The following PFN4 variants were observed in gnomAD, a reference collection of about 807,000 sequenced individuals.
PFN4 encodes profilin family member 4.
In PFN4, 10 loss-of-function variants were observed where a neutral mutation model predicts 16.3. That is an observed-to-expected ratio of 0.61 (90% CI 0.38 to 1.04). The LOEUF is 1.04. Among genes scored for constraint, PFN4 ranks in the 50% least tolerant of loss-of-function variants. PFN4 has a pLI of 0.01. For missense variants in PFN4, 136 were observed against 153.6 expected (o/e 0.89, Z 0.61); for synonymous variants, 54 against 56.9 (o/e 0.95, Z 0.23).
intron 1 of PFN4, 147 bp from the exon 2 acceptor site, chr2:24,122,694 T>C: frequency 3.6e-6 from 2 of 562,258 alleles, no homozygotes; most frequent in Admixed American, 3.2e-5. Flanking sequence ...TGGTCCATCA[T>C]TCAGGGCCCA....
intron 4 of PFN4, among the ~76,000 whole-genome samples, chr2:24,116,306 C>T (rs373249101): frequency 2.0e-5 from 3 of 151,910 alleles, no homozygotes; most frequent in African/African-American, 2.4e-5. Context: ...CCAGCCTGAG[C>T]GACAGAGCGA....
At chr2:24,118,577 G>T (rs1665998089) in intron 4 of PFN4, among the ~76,000 whole-genome samples, 1 of 152,210 alleles carries the variant, frequency 6.6e-6, no homozygotes, top group African/African-American at 2.4e-5. Flanking sequence ...CTGTAATGGG[G>T]ATAATCATAA....
rs1384212329 is a variant in PFN4, at chr2:24,123,264, C to G, written c.-159G>C. 4 of 152,160 alleles carry G rather than the reference C, an allele frequency of 2.6e-5. No homozygotes were observed. The highest frequency in any genetic ancestry group is 5.9e-5 in the Non-Finnish European group (4 of 68,042). The allele number at this position is 152,160 out of a possible 1,614,324, so 9.4% of individuals were successfully genotyped here. A position where few individuals can be genotyped will look rare whatever the true frequency, so the allele number is the denominator to read the frequency against. On this transcript the variant is annotated 5_prime_UTR_variant, in exon 1 of 5. Coordinates refer to ENST00000313213, the MANE Select transcript of PFN4 (RefSeq NM_199346.3). ...GGACGCCACCCCGCTCTGTGGTGCC[C>G]GCAAGGACCCGGCGACCAAGGACCC... is the stretch of plus-strand genomic sequence containing the variant.
In PFN4 at chr2:24,122,643, G is replaced by A. The variant is rs978249137; in HGVS notation, c.-12-96C>T. The A allele has an allele frequency of 3.9e-5, 29 of 752,884 alleles. No homozygotes were observed. The Admixed American group carries it at 6.4e-4, about 17-fold the overall frequency. 46.6% of individuals were successfully genotyped at this position (752,884 alleles called of 1,614,324 possible). A position where few individuals can be genotyped will look rare whatever the true frequency, so the allele number is the denominator to read the frequency against. ...CTTAAGACACTGCAGACAGTTCTAA[G>A]ATCAGCAAGTGTACTTTGAAAAGGT... On this transcript the variant is annotated intron_variant, in intron 1 of 4. Coordinates refer to ENST00000313213, the MANE Select transcript of PFN4 (RefSeq NM_199346.3).
At chr2:24,121,680 C>G (rs1381931809) in intron 2 of PFN4, among the ~76,000 whole-genome samples, 1 of 152,064 alleles carries the variant, frequency 6.6e-6, no homozygotes, top group African/African-American at 2.4e-5. Flanking sequence ...GTATTTGGAT[C>G]ATGAATAGAC....
At chr2:24,118,900 A>T (rs905943908) in intron 4 of PFN4, among the ~76,000 whole-genome samples, 1 of 152,170 alleles carries the variant, frequency 6.6e-6, no homozygotes, top group African/African-American at 2.4e-5. Context: ...GTGTTTATGC[A>T]ACTCCAGTAA....
At chr2:24,118,958 C>G (rs1439608394) in intron 4 of PFN4, among the ~76,000 whole-genome samples, 1 of 152,076 alleles carries the variant, frequency 6.6e-6, no homozygotes, top group Non-Finnish European at 1.5e-5. Flanking sequence ...AACACAAACA[C>G]AATTTACCAT....
intron 4 of PFN4, among the ~76,000 whole-genome samples, chr2:24,116,686 C>T (rs1003780134): frequency 6.6e-6 from 1 of 151,900 alleles, no homozygotes; most frequent in African/African-American, 2.4e-5. Flanking sequence ...GAAACCCCGT[C>T]TCTACTAAAA....
At chr2:24,122,710 A>T (rs1573755502) in intron 1 of PFN4, 163 bp from the exon 2 acceptor site, 1 of 507,638 alleles carries the variant, frequency 2.0e-6, no homozygotes, top group East Asian at 3.1e-5. Context: ...GCCCACCAGT[A>T]CCCAAAGAGG....
At chr2:24,118,378 G>A (rs183735306) in intron 4 of PFN4, among the ~76,000 whole-genome samples, 13 of 152,260 alleles carry the variant, frequency 8.5e-5, no homozygotes, top group Admixed American at 7.2e-4. Context: ...TTTCTCAATT[G>A]GCCCTTTAAG....
At chr2:24,118,318 A>G (rs905772505) in intron 4 of PFN4, among the ~76,000 whole-genome samples, 1 of 152,250 alleles carries the variant, frequency 6.6e-6, no homozygotes, top group Non-Finnish European at 1.5e-5. Context: ...AAAATGCAAT[A>G]AAATGAGGCA....
In PFN4 at chr2:24,122,403, A is replaced by T. The variant is rs550510405; in HGVS notation, c.117+16T>A. ...TAAGTAAATCAAGTCTTAGGTCCAA[A>T]CTTGTTTTTTCTTACATTGAAACCT... On this transcript the variant is annotated intron_variant, in intron 2 of 4. Coordinates refer to ENST00000313213, the MANE Select transcript of PFN4 (RefSeq NM_199346.3). The T allele has an allele frequency of 4.4e-5, 68 of 1,560,744 alleles. No homozygotes were observed. The East Asian group carries it at 1.3e-3, about 31-fold the overall frequency.
chr2:24,117,953 T>C (rs1284070739), intron 4 of PFN4, among the ~76,000 whole-genome samples: 1 of 152,166 alleles, frequency 6.6e-6, no homozygotes, highest in Non-Finnish European at 1.5e-5. Flanking sequence ...ATTAATGGCG[T>C]GATGCCAGCA....
At chr2:24,117,604 A>C (rs1442540531) in intron 4 of PFN4, among the ~76,000 whole-genome samples, 2 of 151,824 alleles carry the variant, frequency 1.3e-5, no homozygotes, top group African/African-American at 4.8e-5. Context: ...CACCACACCC[A>C]GCTAATTTTT....
chr2:24,119,062 A>G (rs1666015715), intron 4 of PFN4, among the ~76,000 whole-genome samples: 1 of 152,202 alleles, frequency 6.6e-6, no homozygotes, highest in Non-Finnish European at 1.5e-5. Context: ...GGAATGCAGT[A>G]TATACCAACA....
rs1215213141 is a variant in PFN4 at position 24,115,506 on chromosome 2, C to T, written c.*77G>A. The T allele has an allele frequency of 2.3e-5, 31 of 1,336,348 alleles. No individual in the cohort carries two copies. In the South Asian group the frequency reaches 3.8e-4, roughly 16 times the overall value. The allele number at this position is 1,336,348 out of a possible 1,614,324, so 82.8% of individuals were successfully genotyped here. On this transcript the variant is annotated 3_prime_UTR_variant, in exon 5 of 5. Transcript: ENST00000313213. ...TGCCTTCTGTCTAGTGTTTTTTCAACCATAAAATATTTTTTCTTTAGGCTC... is the reference window on the plus strand; with the variant it reads ...TGCCTTCTGTCTAGTGTTTTTTCAATCATAAAATATTTTTTCTTTAGGCTC...
chr2:24,122,543 C>G lies in PFN4; in HGVS notation c.-8G>C. ...GCTCTGCAAATGGCTCATGTTCCCT[C>G]AACTCTGAAAGGGAAAGTGCAGTTG... On this transcript the variant is annotated 5_prime_UTR_variant, in exon 2 of 5. Transcript: ENST00000313213. The G allele has an allele frequency of 6.3e-7, 1 of 1,591,538 alleles. No individual in the cohort carries two copies.
chr2:24,116,604 C>T (rs951799620), intron 4 of PFN4, among the ~76,000 whole-genome samples: 6 of 152,160 alleles, frequency 3.9e-5, no homozygotes, highest in Non-Finnish European at 5.9e-5. Flanking sequence ...CCTATAATCC[C>T]AGCACTTTGG....
chr2:24,119,756 T>C (rs1235605021), intron 3 of PFN4, 74 bp from the exon 4 acceptor site: 3 of 1,035,960 alleles, frequency 2.9e-6, no homozygotes, highest in Non-Finnish European at 4.3e-6. Context: ...TCCAGCTACG[T>C]TTTTCACCAT....
Sources: gnomAD v4.1 joint callset for allele counts (sites outside exome capture counted in the v4.1 genomes callset) on GRCh38, gnomAD v4.1.1 for gene constraint, MANE v1.5 for transcripts, NCBI Gene and HGNC (gene_info 2026-07-23, HGNC 2026-07-21) for gene names.